Variants in HAUS3 observed in about 807,000 individuals in gnomAD.
The protein encoded by HAUS3 is HAUS augmin-like complex subunit 3.
In HAUS3, 36 loss-of-function variants were observed where a neutral mutation model predicts 55.2. The observed-to-expected ratio is 0.65, with a 90% CI of 0.50 to 0.86. The LOEUF is 0.86. HAUS3 is among the 40% of genes least tolerant of loss of function. The pLI is 0.00. For synonymous variants in HAUS3, 234 were observed against 238.6 expected (o/e 0.98, Z 0.18); for missense variants, 752 against 671.5 (o/e 1.12, Z -1.33).
rs574655471 is a variant in HAUS3, at chr4:2,236,623, C to T, written c.1350-167G>A. Reference sequence around the variant, plus strand: ...CCTGTAATCCTAGCACTTTGGGAGGCCAAGGCGGGCAGATTGCCTGAGCTC... The same window carrying T: ...CCTGTAATCCTAGCACTTTGGGAGGTCAAGGCGGGCAGATTGCCTGAGCTC... On this transcript the variant is annotated intron_variant, in intron 4 of 5. Coordinates refer to ENST00000443786, the MANE Select transcript of HAUS3 (RefSeq NM_001303143.2). Among the ~76,000 whole-genome samples, 11 of 152,072 alleles carry T rather than the reference C, an allele frequency of 7.2e-5. No homozygotes were observed. The East Asian group carries it at 2.1e-3, about 29-fold the overall frequency.
intron 4 of HAUS3, among the ~76,000 whole-genome samples, chr4:2,237,334 G>A (rs1427003621): frequency 6.6e-6 from 1 of 151,454 alleles, no homozygotes. Context: ...TACTCAGGAA[G>A]TTGAGGCAGG....
chr4:2,239,978 T>A, intron 3 of HAUS3, 60 bp downstream of exon 3: 1 of 1,310,822 alleles, frequency 7.6e-7, no homozygotes, highest in Non-Finnish European at 1.1e-6. Context: ...ACAGCAATAT[T>A]ATCTCCTCTA....
chr4:2,240,228 A>G lies in HAUS3; in HGVS notation c.719T>C (p.Leu240Pro), dbSNP rs893140853. The G allele has an allele frequency of 6.2e-7, 1 of 1,613,854 alleles. No homozygotes were observed. Among genetic ancestry groups the G allele is most frequent in the Non-Finnish European group, 8.5e-7 (1 of 1,179,878 alleles). ...VESSNEDNFQ[L>P]LDIQTPSICD... ...AATAGATGGTGTCTGTATATCTAAA[A>G]GTTGAAAATTGTCTTCATTTGAACT... The change falls in exon 3 of 6, where the codon CTT (leucine) becomes CCT (proline). Residue 240 changes from leucine to proline, a missense_variant. By Grantham distance (98) the Leu-to-Pro change is moderately conservative (BLOSUM62 -3). Transcript: ENST00000443786.
intron 5 of HAUS3, among the ~76,000 whole-genome samples, chr4:2,234,944 G>T (rs1364648044): frequency 1.3e-5 from 2 of 152,206 alleles, no homozygotes; most frequent in Non-Finnish European, 2.9e-5. Context: ...GGAGTGCAGT[G>T]GCGCGATCTT....
rs1428368897 is a variant in HAUS3, at chr4:2,240,952, T to C, written c.-6A>G. On this transcript the variant is annotated 5_prime_UTR_variant, in exon 3 of 6. Coordinates refer to ENST00000443786, the MANE Select transcript of HAUS3 (RefSeq NM_001303143.2). ...AACTCATTTCCACAACTCATGGTTT[T>C]AACTACCCCAATTTTGTTGTATCTG... 5 of 1,581,046 alleles carry C rather than the reference T, an allele frequency of 3.2e-6. No individual in the cohort carries two copies. The highest frequency in any genetic ancestry group is 2.7e-5 in the African/African-American group (2 of 73,318).
Position 2,230,290 on chromosome 4 carries a change from G to A in HAUS3, c.*1637C>T, listed in dbSNP as rs928112115. 1.3e-5 allele frequency: 2 copies of A among 152,006 alleles called. No individual in the cohort carries two copies. Among genetic ancestry groups the A allele is most frequent in the Non-Finnish European group, 2.9e-5 (2 of 67,920 alleles). The allele number at this position is 152,006 out of a possible 1,614,324, so 9.4% of individuals were successfully genotyped here. A position where few individuals can be genotyped will look rare whatever the true frequency, so the allele number is the denominator to read the frequency against. On this transcript the variant is annotated 3_prime_UTR_variant, in exon 6 of 6. Coordinates refer to ENST00000443786, the MANE Select transcript of HAUS3 (RefSeq NM_001303143.2). ...AGCCTGAGTGACACAGTTAGACTCT[G>A]TCTCAAAAATTAACTAATAAATCAA...
chr4:2,228,786 G>C lies in HAUS3; in HGVS notation c.*3141C>G. 3.8e-6 allele frequency: 1 copy of C among 260,276 alleles called. No individual in the cohort carries two copies. The highest frequency in any genetic ancestry group is 6.1e-5 in the South Asian group (1 of 16,424). The allele number at this position is 260,276 out of a possible 1,614,324, so 16.1% of individuals were successfully genotyped here. A position where few individuals can be genotyped will look rare whatever the true frequency, so the allele number is the denominator to read the frequency against. ...CACCACACAAAATAGCAAATACTAT[G>C]TACAGGTTTGATGACCTGAGAACCA... On this transcript the variant is annotated 3_prime_UTR_variant, in exon 6 of 6. Transcript: ENST00000443786.
At position 2,229,107 on chromosome 4, in the gene HAUS3, C is replaced by G. The variant is rs769865959; in HGVS notation, c.*2820G>C. 2 of 1,600,616 alleles carry G rather than the reference C, an allele frequency of 1.2e-6. No homozygotes were observed. The highest frequency in any genetic ancestry group is 4.5e-5 in the East Asian group (2 of 44,778). On this transcript the variant is annotated 3_prime_UTR_variant, in exon 6 of 6. Coordinates refer to ENST00000443786, the MANE Select transcript of HAUS3 (RefSeq NM_001303143.2). The stretch of plus-strand genomic sequence containing the variant: ...TCATAAAAATTACTTACTCTCTGTA[C>G]TCTTTCCCCAAGTCTTAGAATCCAC...
chr4:2,229,922 C>T lies in HAUS3; in HGVS notation c.*2005G>A, dbSNP rs1734521184. The T allele has an allele frequency of 6.6e-6, 1 of 152,274 alleles. No individual in the cohort carries two copies. The highest frequency in any genetic ancestry group is 2.4e-5 in the African/African-American group (1 of 41,434). The allele number at this position is 152,274 out of a possible 1,614,324, so 9.4% of individuals were successfully genotyped here. Reference sequence around the variant, plus strand: ...AACTTGGGTAATTACGGCAGACACACAACTACCATCCGTGCCTTGATCTGC... The same window carrying T: ...AACTTGGGTAATTACGGCAGACACATAACTACCATCCGTGCCTTGATCTGC... On this transcript the variant is annotated 3_prime_UTR_variant, in exon 6 of 6. Coordinates refer to ENST00000443786, the MANE Select transcript of HAUS3 (RefSeq NM_001303143.2).
Position 2,240,790 on chromosome 4 carries a change from A to C in HAUS3, c.157T>G (p.Leu53Val), listed in dbSNP as rs113667346. ...FCGNVNEQNV[L>V]SERELEAFSI... Reference sequence around the variant, plus strand: ...AAAGCTTCCAATTCTCTTTCAGACAACACGTTCTGTTCATTCACATTCCCA... The same window carrying C: ...AAAGCTTCCAATTCTCTTTCAGACACCACGTTCTGTTCATTCACATTCCCA... Residue 53 changes from leucine to valine, a missense_variant, in exon 3 of 6, where the codon TTG becomes GTG. Physicochemically the swap from Leu to Val is conservative, Grantham distance 32 (BLOSUM62 1). Transcript: ENST00000443786. 17 of 1,613,940 alleles carry C rather than the reference A, an allele frequency of 1.1e-5. No homozygotes were observed. The African/African-American group carries it at 1.5e-4, about 14-fold the overall frequency.
chr4:2,235,756 TA>T (rs1205263973), intron 5 of HAUS3, among the ~76,000 whole-genome samples: 1 of 152,170 alleles, frequency 6.6e-6, no homozygotes, highest in Non-Finnish European at 1.5e-5. Flanking sequence ...AATATATATA[TA>T]TGTGTGTATG....
At position 2,240,829 on chromosome 4, in the gene HAUS3, G is replaced by A; in HGVS notation, c.118C>T (p.Leu40=). ...TTCACATTCCCACAAAACCACTTCA[G>A]AAACGATTCATCTTCAACGCCCTCA... ...LFEGVEDESF[L]KWFCGNVNEQ... The change falls in exon 3 of 6, where the codon CTG becomes TTG. Residue 40 remains leucine, a synonymous_variant. Coordinates refer to ENST00000443786, the MANE Select transcript of HAUS3 (RefSeq NM_001303143.2). 6.2e-7 allele frequency: 1 copy of A among 1,613,670 alleles called. No individual in the cohort carries two copies. The highest frequency in any genetic ancestry group is 8.5e-7 in the Non-Finnish European group (1 of 1,179,990).
Position 2,240,971 on chromosome 4 carries a change from G to A in HAUS3, c.-25C>T. ...TGGTTTTAACTACCCCAATTTTGTT[G>A]TATCTGATATGGGTTTACGGTGTTG... is the stretch of plus-strand genomic sequence containing the variant. On this transcript the variant is annotated 5_prime_UTR_variant, in exon 3 of 6. Coordinates refer to ENST00000443786, the MANE Select transcript of HAUS3 (RefSeq NM_001303143.2). 1 of 1,540,654 alleles carries A rather than the reference G, an allele frequency of 6.5e-7. No individual in the cohort carries two copies. The highest frequency in any genetic ancestry group is 8.8e-7 in the Non-Finnish European group (1 of 1,142,326).
In HAUS3 at chr4:2,241,906, C is replaced by G. The variant is rs7690895; in HGVS notation, c.-418-116G>C. On this transcript the variant is annotated intron_variant, in intron 1 of 5. Transcript: ENST00000443786. ...AGCTCCTCGCCCAGCGGACCGGGCC[C>G]TGATCCCCGGGCAGCTGCTGGAGCA... 9.7e-3 allele frequency: 9,543 copies of G among 985,462 alleles called. 707 individuals are homozygous for G. The African/African-American group carries it at 0.15, about 15-fold the overall frequency. The allele number at this position is 985,462 out of a possible 1,614,324, so 61.0% of individuals were successfully genotyped here.
At chr4:2,236,200 AT>A (rs772775664) in intron 5 of HAUS3, 27 bp downstream of exon 5, 7 of 1,384,266 alleles carry the variant, frequency 5.1e-6, no homozygotes, top group Non-Finnish European at 7.0e-6. Context: ...TTTAAAAAGC[AT>A]TTTTAACTAC....
rs1442670311 is a variant in HAUS3, at chr4:2,241,645, T to C, written c.-273A>G. The C allele has an allele frequency of 4.1e-6, 4 of 985,256 alleles. No individual in the cohort carries two copies. The highest frequency in any genetic ancestry group is 3.5e-5 in the African/African-American group (2 of 57,212). 61.0% of individuals were successfully genotyped at this position (985,256 alleles called of 1,614,324 possible). On this transcript the variant is annotated 5_prime_UTR_variant, in exon 2 of 6. Transcript: ENST00000443786. Reference sequence around the variant, plus strand: ...CTTCGGGCCGGCCTTCAGCCAGCGCTGAGGCAGCCCCGACGCCAGGGCCGC... The same window carrying C: ...CTTCGGGCCGGCCTTCAGCCAGCGCCGAGGCAGCCCCGACGCCAGGGCCGC...
At position 2,240,892 on chromosome 4, in the gene HAUS3, C is replaced by G. The variant is rs1280118331; in HGVS notation, c.55G>C (p.Ala19Pro). The G allele has an allele frequency of 6.2e-7, 1 of 1,604,124 alleles. No individual in the cohort carries two copies. The highest frequency in any genetic ancestry group is 1.3e-5 in the African/African-American group (1 of 74,412). The change falls in exon 3 of 6, where the codon GCT becomes CCT. Residue 19 changes from alanine to proline, a missense_variant. Coordinates refer to ENST00000443786, the MANE Select transcript of HAUS3 (RefSeq NM_001303143.2). ...AAGTCTTCTCCATTAAGATTATCAG[C>G]TTTGGGATAACCAATTTTTTTTAAT... ...ETLKKIGYPKADNLNGEDFDW... is the reference protein window; with the variant it reads ...ETLKKIGYPKPDNLNGEDFDW...
intron 4 of HAUS3, among the ~76,000 whole-genome samples, chr4:2,237,110 T>C (rs1336693292): frequency 1.3e-5 from 2 of 152,038 alleles, no homozygotes; most frequent in Non-Finnish European, 2.9e-5. Flanking sequence ...ACTTCAGAGA[T>C]AACCTCCAAA....
chr4:2,239,194 A>C (rs1734882005), intron 3 of HAUS3, 151 bp from the exon 4 acceptor site: 1 of 510,570 alleles, frequency 2.0e-6, no homozygotes, highest in Non-Finnish European at 3.4e-6. Flanking sequence ...ATTACAGTTT[A>C]AAAGGGAAAA....
Sources: gnomAD v4.1 joint callset for allele counts (sites outside exome capture counted in the v4.1 genomes callset) on GRCh38, gnomAD v4.1.1 for gene constraint, MANE v1.5 for transcripts, NCBI Gene and HGNC (gene_info 2026-07-23, HGNC 2026-07-21) for gene names.